CCDC91: variants seen among roughly 807,000 people sequenced by gnomAD.
CCDC91 encodes coiled-coil domain-containing protein 91.
A neutral mutation model predicts 63.2 loss-of-function variants in CCDC91; 48 were observed. The observed-to-expected ratio is 0.76, with a 90% confidence interval of 0.60 to 0.97. The LOEUF is 0.97. CCDC91 is among the 50% of genes least tolerant of loss of function. The pLI is 0.00. For synonymous variants in CCDC91, 167 were observed against 165.8 expected, an observed-to-expected ratio of 1.01 and a Z score of -0.06; for missense variants, 500 against 494.6, an observed-to-expected ratio of 1.01 and a Z score of -0.10.
intron 1 of CCDC91, among the ~76,000 whole-genome samples, chr12:28,238,710 A>G (rs1485061804): frequency 6.6e-6 from 1 of 152,192 alleles, no homozygotes; most frequent in Non-Finnish European, 1.5e-5. Flanking sequence ...TCTACATAAT[A>G]TATCTACATA....
rs1269379430 is a variant in CCDC91 at position 28,428,571 on chromosome 12, CCCCAAAA to C, written c.763-21589_763-21583del. 2.0e-4 allele frequency among the ~76,000 whole-genome samples: 14 copies of C among 70,828 alleles called. 1 individual carries two copies. The highest frequency in any genetic ancestry group is 5.5e-4 in the Admixed American group (3 of 5,464). 46.5% of individuals were successfully genotyped at this position (70,828 alleles called of 152,430 possible). On this transcript the variant is annotated intron_variant, in intron 8 of 12. Transcript: ENST00000536442. ...GCAACAAGAGTGAAACTCCGTCTCT[CCCCAAAA>C]AAAAAAAAAAAAAAAAAAAAGAAAG...
At chr12:28,388,064 C>T (rs1441346812) in intron 7 of CCDC91, among the ~76,000 whole-genome samples, 5 of 151,980 alleles carry the variant, frequency 3.3e-5, no homozygotes, top group Admixed American at 6.6e-5. Context: ...TTTTTGATTA[C>T]GGCCATTCTT....
chr12:28,363,109 A>G (rs1163327991), intron 7 of CCDC91, among the ~76,000 whole-genome samples: 1 of 152,130 alleles, frequency 6.6e-6, no homozygotes, highest in East Asian at 1.9e-4. Flanking sequence ...TTTTACAAGT[A>G]ATTAAGGATG....
chr12:28,203,875 A>G (rs930883301), intron 1 of CCDC91, among the ~76,000 whole-genome samples: 2 of 152,184 alleles, frequency 1.3e-5, no homozygotes, highest in Non-Finnish European at 2.9e-5. Context: ...TGAATTGCCA[A>G]AATGATTATA....
At chr12:28,431,588 T>C (rs1204320893) in intron 8 of CCDC91, among the ~76,000 whole-genome samples, 1 of 152,102 alleles carries the variant, frequency 6.6e-6, no homozygotes, top group Non-Finnish European at 1.5e-5. Context: ...GATATATCTC[T>C]TATAAGCAGG....
chr12:28,351,591 G>A (rs1471267754), intron 6 of CCDC91, among the ~76,000 whole-genome samples: 1 of 151,986 alleles, frequency 6.6e-6, no homozygotes, highest in Non-Finnish European at 1.5e-5. Context: ...TGGCTCTGCT[G>A]GCCTCTGCCT....
At chr12:28,337,834 T>G (rs1565819826) in intron 6 of CCDC91, among the ~76,000 whole-genome samples, 1 of 152,156 alleles carries the variant, frequency 6.6e-6, no homozygotes. Context: ...TGAACATTTT[T>G]CCTTTTGGGA....
chr12:28,202,388 T>C (rs1412078630), intron 1 of CCDC91, among the ~76,000 whole-genome samples: 1 of 152,258 alleles, frequency 6.6e-6, no homozygotes, highest in Admixed American at 6.5e-5. Flanking sequence ...GTGGTAACTC[T>C]GGAAATCAGA....
At chr12:28,525,231 C>T (rs1170565515) in intron 12 of CCDC91, among the ~76,000 whole-genome samples, 5 of 152,096 alleles carry the variant, frequency 3.3e-5, no homozygotes, top group East Asian at 3.9e-4. Flanking sequence ...TTGATATAGG[C>T]GTTTAGGGCT....
chr12:28,504,188 G>T (rs1220173216), intron 12 of CCDC91, among the ~76,000 whole-genome samples: 1 of 151,446 alleles, frequency 6.6e-6, no homozygotes, highest in African/African-American at 2.4e-5. Flanking sequence ...AAATGGAAGG[G>T]AATTTAATGA....
intron 6 of CCDC91, among the ~76,000 whole-genome samples, chr12:28,357,562 T>G (rs1943603028): frequency 6.6e-6 from 1 of 151,620 alleles, no homozygotes; most frequent in African/African-American, 2.4e-5. Flanking sequence ...TACCTGTTGA[T>G]GAGGGAATGA....
chr12:28,425,684 G>A (rs61920570), intron 8 of CCDC91, among the ~76,000 whole-genome samples: 9,226 of 152,114 alleles, frequency 0.061, 377 homozygotes, highest in Non-Finnish European at 0.085. Context: ...AGTGCTCATG[G>A]AACTCTCTCT....
intron 12 of CCDC91, among the ~76,000 whole-genome samples, chr12:28,491,421 T>C (rs145568493): frequency 6.6e-6 from 1 of 151,674 alleles, no homozygotes; most frequent in Non-Finnish European, 1.5e-5. Context: ...CCTTAACGAA[T>C]TAAGTGAGGT....
chr12:28,207,419 A>G (rs1386261063), intron 1 of CCDC91, among the ~76,000 whole-genome samples: 2 of 152,214 alleles, frequency 1.3e-5, no homozygotes, highest in African/African-American at 4.8e-5. Context: ...ATGTTCTCAG[A>G]AGATCCAGTC....
At chr12:28,440,664 A>G (rs1949137160) in intron 8 of CCDC91, among the ~76,000 whole-genome samples, 3 of 152,168 alleles carry the variant, frequency 2.0e-5, no homozygotes, top group Admixed American at 6.5e-5. Context: ...ACTGGGAAAA[A>G]CATTCATGAA....
intron 12 of CCDC91, among the ~76,000 whole-genome samples, chr12:28,503,507 CA>C (rs1938251911): frequency 6.6e-6 from 1 of 152,124 alleles, no homozygotes; most frequent in Non-Finnish European, 1.5e-5. Context: ...CTAGTTCAAC[CA>C]TTGTGGAAGT....
chr12:28,439,863 C>A (rs1377887534), intron 8 of CCDC91, among the ~76,000 whole-genome samples: 1 of 150,212 alleles, frequency 6.7e-6, no homozygotes, highest in African/African-American at 2.4e-5. Flanking sequence ...TTTCTGAGTG[C>A]CTTTATTTTA....
At chr12:28,316,537 A>G (rs942629201) in intron 6 of CCDC91, among the ~76,000 whole-genome samples, 1 of 41,838 alleles carries the variant, frequency 2.4e-5, no homozygotes, top group African/African-American at 9.5e-5. Context: ...ATTTATTTTT[A>G]CTTTCAGCCA....
chr12:28,192,719 C>T (rs56318627), intron 1 of CCDC91, among the ~76,000 whole-genome samples: 41,930 of 151,890 alleles, frequency 0.28, 6,020 homozygotes, highest in Non-Finnish European at 0.31. Flanking sequence ...CTCATTTAAA[C>T]TGATGCATAT....
Sources: allele counts gnomAD v4.1 joint callset (sites outside exome capture counted in the v4.1 genomes callset), GRCh38; gene constraint gnomAD v4.1.1; transcripts MANE v1.5; gene names NCBI Gene and HGNC (gene_info 2026-07-23, HGNC 2026-07-21).